SCAMP2: variants seen among roughly 807,000 people sequenced by gnomAD.
The protein encoded by SCAMP2 is secretory carrier-associated membrane protein 2.
SCAMP2 carries 25 observed loss-of-function variants against 44.1 expected under a neutral mutation model. That is an observed-to-expected ratio of 0.57 (90% CI 0.41 to 0.79). SCAMP2 has a LOEUF of 0.79. Ranked by LOEUF, SCAMP2 falls within the 30% of genes least tolerant of loss-of-function variation. SCAMP2 has a pLI of 0.00. For synonymous variants in SCAMP2, 156 were observed against 166.0 expected, an observed-to-expected ratio of 0.94 and a Z score of 0.46; for missense variants, 355 against 411.0, an observed-to-expected ratio of 0.86 and a Z score of 1.18.
chr15:74,872,112 A>G (rs1596429050), intron 1 of SCAMP2, among the ~76,000 whole-genome samples: 1 of 150,586 alleles, frequency 6.6e-6, no homozygotes, highest in Non-Finnish European at 1.5e-5. Flanking sequence ...TTCTTCCTTG[A>G]TTGCTGTTCA....
At chr15:74,848,903 T>C (rs1210520334) in intron 6 of SCAMP2, among the ~76,000 whole-genome samples, 1 of 151,864 alleles carries the variant, frequency 6.6e-6, no homozygotes, top group African/African-American at 2.4e-5. Flanking sequence ...TTCACTGCCT[T>C]CCAATTTAAG....
chr15:74,850,303 G>T (rs2064426821), intron 6 of SCAMP2, among the ~76,000 whole-genome samples: 1 of 152,200 alleles, frequency 6.6e-6, no homozygotes. Flanking sequence ...CAAGGACAGG[G>T]CCCAGAGCAG....
At chr15:74,847,643 C>A (rs1298852609) in intron 7 of SCAMP2, among the ~76,000 whole-genome samples, 1 of 152,204 alleles carries the variant, frequency 6.6e-6, no homozygotes, top group Non-Finnish European at 1.5e-5. Flanking sequence ...AGGGAGGGGA[C>A]CAAAATAGCA....
intron 1 of SCAMP2, among the ~76,000 whole-genome samples, chr15:74,859,950 T>A (rs916284956): frequency 6.6e-6 from 1 of 152,056 alleles, no homozygotes; most frequent in African/African-American, 2.4e-5. Flanking sequence ...TAAATAAATA[T>A]CTTATCTCAC....
intron 6 of SCAMP2, among the ~76,000 whole-genome samples, chr15:74,850,178 G>C (rs2064426137): frequency 6.6e-6 from 1 of 152,160 alleles, no homozygotes; most frequent in African/African-American, 2.4e-5. Flanking sequence ...GCACACCTTA[G>C]AGCCTCAGAA....
intron 1 of SCAMP2, among the ~76,000 whole-genome samples, chr15:74,860,810 G>A (rs185125266): frequency 5.0e-4 from 76 of 151,754 alleles, no homozygotes; most frequent in South Asian, 8.3e-4. Context: ...AGATCACTGC[G>A]CAGCACTGCA....
intron 1 of SCAMP2, among the ~76,000 whole-genome samples, chr15:74,868,083 G>A (rs1411451603): frequency 5.9e-5 from 9 of 152,218 alleles, no homozygotes; most frequent in Non-Finnish European, 1.0e-4. Context: ...AGCAGAGACC[G>A]AAATACTCAG....
intron 1 of SCAMP2, among the ~76,000 whole-genome samples, chr15:74,871,388 T>C (rs1176461091): frequency 6.6e-6 from 1 of 151,926 alleles, no homozygotes; most frequent in Non-Finnish European, 1.5e-5. Flanking sequence ...ATTTGAATCC[T>C]GGAGGTCAAG....
At chr15:74,869,353 A>G (rs939223643) in intron 1 of SCAMP2, among the ~76,000 whole-genome samples, 4 of 152,192 alleles carry the variant, frequency 2.6e-5, no homozygotes, top group African/African-American at 9.7e-5. Flanking sequence ...AAAGAACAAA[A>G]GCACAAGATC....
chr15:74,845,552 A>T lies in SCAMP2; in HGVS notation c.776T>A (p.Leu259Gln), dbSNP rs2064393729. 6.2e-6 allele frequency: 10 copies of T among 1,614,186 alleles called. No individual in the cohort carries two copies. In the East Asian group the frequency reaches 2.2e-4, roughly 36 times the overall value. Residue 259 changes from leucine to glutamine, a missense_variant, in exon 8 of 9, where the codon CTG becomes CAG. By Grantham distance (113) the Leu-to-Gln change is moderately radical. Transcript: ENST00000268099. ...CACCATCATGATGACTGATATGGCC[A>T]GGGAATGATTATCCAGTGTAGACAG... ...AALSTLDNHS[L>Q]AISVIMMVVA...
intron 6 of SCAMP2, among the ~76,000 whole-genome samples, chr15:74,849,410 T>G (rs2064420128): frequency 6.6e-6 from 1 of 151,778 alleles, no homozygotes. Context: ...ACTGCGCCAT[T>G]GCACTCCAGC....
Position 74,846,211 on chromosome 15 carries a change from G to A in SCAMP2, c.735-618C>T, listed in dbSNP as rs377079692. On this transcript the variant is annotated intron_variant, in intron 7 of 8. Transcript: ENST00000268099. ...GCAGGAGAATCACTTGAACCTGGAA[G>A]GTGCAGGCTGCAGTGAGCCGAGATC... Among the ~76,000 whole-genome samples the A allele has an allele frequency of 2.6e-3, 392 of 152,174 alleles. 1 individual carries two copies. Among genetic ancestry groups the A allele is most frequent in the Admixed American group, 4.3e-3 (66 of 15,284 alleles).
At position 74,873,271 on chromosome 15, in the gene SCAMP2, G is replaced by A. The variant is rs530942846; in HGVS notation, c.-16C>T. 5 of 1,479,922 alleles carry A rather than the reference G, an allele frequency of 3.4e-6. No homozygotes were observed. The South Asian group carries it at 6.8e-5, about 20-fold the overall frequency. 91.7% of individuals were successfully genotyped at this position (1,479,922 alleles called of 1,614,324 possible). Reference sequence around the variant, plus strand: ...AAGCCGACATGGTGATCGGGGGCCAGCGGGCGAACTCCGCGAACGCTGCTG... The same window carrying A: ...AAGCCGACATGGTGATCGGGGGCCAACGGGCGAACTCCGCGAACGCTGCTG... On this transcript the variant is annotated 5_prime_UTR_variant, in exon 1 of 9. Transcript: ENST00000268099.
chr15:74,865,376 G>C (rs1270462318), intron 1 of SCAMP2, among the ~76,000 whole-genome samples: 1 of 114,096 alleles, frequency 8.8e-6, no homozygotes, highest in Non-Finnish European at 1.9e-5. Context: ...GCAAGACTTT[G>C]TCTCAAAAAA....
intron 1 of SCAMP2, among the ~76,000 whole-genome samples, chr15:74,856,030 C>G (rs1368573733): frequency 6.6e-6 from 1 of 152,008 alleles, no homozygotes; most frequent in Non-Finnish European, 1.5e-5. Flanking sequence ...CCAAGAAGAG[C>G]TCCTCCACAC....
chr15:74,862,292 C>CAAAGA (rs1431645432), intron 1 of SCAMP2, among the ~76,000 whole-genome samples: 1 of 87,648 alleles, frequency 1.1e-5, no homozygotes, highest in Non-Finnish European at 2.5e-5. Context: ...AAAAAAAATT[C>CAAAGA]CTGGCCAGGT....
At chr15:74,853,649 G>A (rs1024532970) in intron 3 of SCAMP2, 1 of 370,028 alleles carries the variant, frequency 2.7e-6, no homozygotes, top group Non-Finnish European at 5.3e-6. Context: ...GAAGGAAGGT[G>A]AGAATTAATG....
At chr15:74,854,233 G>C (rs539194478) in intron 2 of SCAMP2, 114 bp from the exon 3 acceptor site, 1 of 957,440 alleles carries the variant, frequency 1.0e-6, no homozygotes, top group Admixed American at 2.0e-5. Context: ...GGACTCCCTC[G>C]GGGCCTGCAC....
At chr15:74,872,001 C>T (rs1181481555) in intron 1 of SCAMP2, among the ~76,000 whole-genome samples, 4 of 151,770 alleles carry the variant, frequency 2.6e-5, no homozygotes, top group Non-Finnish European at 4.4e-5. Flanking sequence ...GCCGAGATCG[C>T]GCTACTGCAC....
Sources: gnomAD v4.1 joint callset for allele counts (sites outside exome capture counted in the v4.1 genomes callset) on GRCh38, gnomAD v4.1.1 for gene constraint, MANE v1.5 for transcripts, NCBI Gene and HGNC (gene_info 2026-07-23, HGNC 2026-07-21) for gene names.